PTPRT: variants seen among roughly 807,000 people sequenced by gnomAD.
The protein encoded by PTPRT is receptor-type tyrosine-protein phosphatase T.
In PTPRT, 56 loss-of-function variants were observed where a neutral mutation model predicts 176.8. The ratio of observed to expected loss-of-function variants is 0.32; its 90% confidence interval spans 0.26 to 0.40. The LOEUF is 0.40. Among genes scored for constraint, PTPRT ranks in the 10% least tolerant of loss-of-function variants. The probability of loss-of-function intolerance (pLI) is 1.00; values close to 1 mark genes in which losing one functional copy is unlikely to be tolerated. For missense variants in PTPRT, 1,540 were observed against 1,908.2 expected, an observed-to-expected ratio of 0.81 and a Z score of 3.60; for synonymous variants, 783 against 739.0, an observed-to-expected ratio of 1.06 and a Z score of -0.96.
intron 9 of PTPRT, among the ~76,000 whole-genome samples, chr20:42,443,271 T>A (rs1430792740): frequency 6.6e-6 from 1 of 152,260 alleles, no homozygotes; most frequent in Non-Finnish European, 1.5e-5. Flanking sequence ...CAGTGCTTTT[T>A]ATGCTTTAAT....
chr20:42,336,660 C>T (rs2058044259), intron 11 of PTPRT, among the ~76,000 whole-genome samples: 1 of 151,548 alleles, frequency 6.6e-6, no homozygotes, highest in South Asian at 2.1e-4. Flanking sequence ...AGGTACAATA[C>T]CAAAAGAAAA....
intron 1 of PTPRT, among the ~76,000 whole-genome samples, chr20:43,109,351 C>T (rs937396555): frequency 7.9e-5 from 12 of 152,036 alleles, no homozygotes; most frequent in African/African-American, 1.7e-4. Flanking sequence ...GCGTGCTTTT[C>T]GAAACTCTCC....
At chr20:42,139,369 G>T (rs752259879) in intron 18 of PTPRT, among the ~76,000 whole-genome samples, 7 of 152,188 alleles carry the variant, frequency 4.6e-5, no homozygotes, top group Non-Finnish European at 8.8e-5. Flanking sequence ...ATCTAAGACA[G>T]AGATTTTAGT....
chr20:42,911,381 A>G (rs1484337077), intron 1 of PTPRT, among the ~76,000 whole-genome samples: 1 of 152,200 alleles, frequency 6.6e-6, no homozygotes, highest in Non-Finnish European at 1.5e-5. Context: ...TACAGTACCT[A>G]TAAAATGTAT....
intron 11 of PTPRT, among the ~76,000 whole-genome samples, chr20:42,346,403 C>A (rs1256443827): frequency 6.6e-6 from 1 of 152,126 alleles, no homozygotes; most frequent in African/African-American, 2.4e-5. Context: ...GAAGAAGGCT[C>A]GGCATGTTCA....
chr20:43,114,941 T>C (rs1325719753), intron 1 of PTPRT, among the ~76,000 whole-genome samples: 1 of 152,154 alleles, frequency 6.6e-6, no homozygotes, highest in Non-Finnish European at 1.5e-5. Flanking sequence ...AAAAAAGAGC[T>C]GTAGTTATAA....
At chr20:42,647,784 G>A (rs2074940170) in intron 7 of PTPRT, among the ~76,000 whole-genome samples, 1 of 152,148 alleles carries the variant, frequency 6.6e-6, no homozygotes, top group African/African-American at 2.4e-5. Context: ...TTAAACCAAG[G>A]CTCTAGTAGC....
intron 7 of PTPRT, among the ~76,000 whole-genome samples, chr20:42,502,609 G>T (rs952172199): frequency 2.0e-5 from 3 of 152,014 alleles, no homozygotes; most frequent in African/African-American, 7.2e-5. Context: ...TCATTTTTGT[G>T]CTGGCTTACT....
chr20:42,497,189 C>T (rs1427083677), intron 7 of PTPRT, among the ~76,000 whole-genome samples: 1 of 152,122 alleles, frequency 6.6e-6, no homozygotes, highest in Non-Finnish European at 1.5e-5. Context: ...AAGGGTAGTC[C>T]TTGTCATAAA....
At chr20:42,735,290 G>A (rs1269889346) in intron 6 of PTPRT, among the ~76,000 whole-genome samples, 4 of 152,134 alleles carry the variant, frequency 2.6e-5, no homozygotes, top group Non-Finnish European at 4.4e-5. Context: ...GACTAGAGGA[G>A]AGGGAAACGG....
intron 14 of PTPRT, among the ~76,000 whole-genome samples, chr20:42,244,536 G>T (rs544778954): frequency 2.2e-4 from 34 of 152,284 alleles, no homozygotes; most frequent in South Asian, 1.5e-3. Flanking sequence ...ATTAAAATGT[G>T]ATGGACGGGT....
intron 6 of PTPRT, among the ~76,000 whole-genome samples, chr20:42,701,533 C>T (rs182436245): frequency 1.4e-4 from 21 of 152,218 alleles, no homozygotes; most frequent in Admixed American, 3.3e-4. Flanking sequence ...AGAAAGCCAG[C>T]GGAGAGAAGA....
chr20:42,885,805 A>G lies in PTPRT; in HGVS notation c.214+2T>C. On this transcript the variant is annotated splice_donor_variant, in intron 2 of 30. Transcript: ENST00000373187. LOFTEE classifies it high-confidence loss of function. ...CAGCCCCAAACATGATGGATCACATACCTGTGGGCACTGCCTGGTCCAGCA... is the reference window on the plus strand; with the variant it reads ...CAGCCCCAAACATGATGGATCACATGCCTGTGGGCACTGCCTGGTCCAGCA... The G allele has an allele frequency of 6.2e-7, 1 of 1,603,448 alleles. No individual in the cohort carries two copies. The highest frequency in any genetic ancestry group is 2.2e-5 in the East Asian group (1 of 44,480).
intron 27 of PTPRT, among the ~76,000 whole-genome samples, chr20:42,097,928 AG>A (rs1330291025): frequency 1.3e-5 from 2 of 152,214 alleles, no homozygotes; most frequent in African/African-American, 4.8e-5. Flanking sequence ...CGGGGAACAA[AG>A]GTCAACCGTG....
At chr20:42,712,322 G>A (rs1186176775) in intron 6 of PTPRT, among the ~76,000 whole-genome samples, 1 of 152,142 alleles carries the variant, frequency 6.6e-6, no homozygotes, top group Non-Finnish European at 1.5e-5. Context: ...CAGTGGGTAT[G>A]TTAGCCCTGA....
intron 2 of PTPRT, among the ~76,000 whole-genome samples, chr20:42,827,979 C>A (rs577758007): frequency 6.6e-6 from 1 of 152,180 alleles, no homozygotes; most frequent in Non-Finnish European, 1.5e-5. Context: ...TAATTTGATA[C>A]CAGTAGAGTA....
intron 1 of PTPRT, among the ~76,000 whole-genome samples, chr20:43,006,300 AAT>A (rs1790942206): frequency 6.6e-6 from 1 of 152,240 alleles, no homozygotes; most frequent in Non-Finnish European, 1.5e-5. Flanking sequence ...TTTATTTTCT[AAT>A]ATATTTTAAA....
chr20:42,088,322 AT>A (rs925305225), intron 27 of PTPRT, among the ~76,000 whole-genome samples: 3 of 152,220 alleles, frequency 2.0e-5, no homozygotes, highest in African/African-American at 7.2e-5. Flanking sequence ...AGGGGGCTAG[AT>A]GGACAGAAGT....
intron 2 of PTPRT, among the ~76,000 whole-genome samples, chr20:42,822,939 G>A (rs1184741349): frequency 1.3e-5 from 2 of 152,164 alleles, no homozygotes; most frequent in African/African-American, 4.8e-5. Flanking sequence ...ATTTTACACT[G>A]TTGGTAGGAA....
Sources: gnomAD v4.1 joint callset for allele counts (sites outside exome capture counted in the v4.1 genomes callset) on GRCh38, gnomAD v4.1.1 for gene constraint, MANE v1.5 for transcripts, NCBI Gene and HGNC (gene_info 2026-07-23, HGNC 2026-07-21) for gene names.